Variants in TBCCD1 observed in about 807,000 individuals in gnomAD.
TBCCD1 encodes TBCC domain-containing protein 1.
Under a neutral mutation model 53.4 loss-of-function variants are expected in TBCCD1, and 26 were observed. The observed-to-expected ratio is 0.49, with a 90% CI of 0.36 to 0.68. The LOEUF is 0.68. Ranked by LOEUF, TBCCD1 falls within the 30% of genes least tolerant of loss-of-function variation. The pLI is 0.00. For missense variants in TBCCD1, 558 were observed against 669.5 expected, an observed-to-expected ratio of 0.83 and a Z score of 1.84; for synonymous variants, 245 against 241.7, an observed-to-expected ratio of 1.01 and a Z score of -0.13.
intron 6 of TBCCD1, 125 bp from the exon 7 acceptor site, chr3:186,551,404 T>C (rs1246253251): frequency 8.0e-6 from 8 of 1,002,662 alleles, no homozygotes; most frequent in East Asian, 5.4e-5. Context: ...GTTATCCTTT[T>C]GTTCTCACTG....
chr3:186,554,693 T>C lies in TBCCD1; in HGVS notation c.1105A>G (p.Thr369Ala). Residue 369 changes from threonine (T) to alanine (A), a missense_variant, in exon 6 of 8, where the codon ACA becomes GCA. Coordinates refer to ENST00000338733, the MANE Select transcript of TBCCD1 (RefSeq NM_018138.5). ...TTGTCACAACTGTGGAGGTGAAGTG[T>C]AGTCCCTACAGGGCCCAAGACAAAG... The part of the protein sequence containing the change: ...SIFVLGPVGT[T>A]LHLHSCDNVK... 1 of 1,614,198 alleles carries C rather than the reference T, an allele frequency of 6.2e-7. No homozygotes were observed. The highest frequency in any genetic ancestry group is 1.3e-5 in the African/African-American group (1 of 75,036).
chr3:186,569,200 G>A (rs1283398136), upstream of TBCCD1, among the ~76,000 whole-genome samples: 1 of 152,160 alleles, frequency 6.6e-6, no homozygotes, highest in Non-Finnish European at 1.5e-5. Context: ...GGTTTACAAA[G>A]CATAAACGGC....
Position 186,551,281 on chromosome 3 carries a change from T to TA in TBCCD1, c.1545-3dup, listed in dbSNP as rs759238358. On this transcript the variant is annotated splice_polypyrimidine_tract_variant and splice_region_variant and intron_variant, in intron 6 of 7. Coordinates refer to ENST00000338733, the MANE Select transcript of TBCCD1 (RefSeq NM_018138.5). ...ACCTGGAACTGCTTCCTTTGATCCC[T>TA]AAAATTGCGATTATGAGTAAAAAGA... 1.2e-6 allele frequency: 2 copies of TA among 1,610,610 alleles called. No homozygotes were observed. The highest frequency in any genetic ancestry group is 2.7e-5 in the African/African-American group (2 of 74,730).
At position 186,546,739 on chromosome 3, in the gene TBCCD1, G is replaced by A. The variant is rs1714220456; in HGVS notation, c.*238C>T. On this transcript the variant is annotated 3_prime_UTR_variant, in exon 8 of 8. Transcript: ENST00000338733. ...CCAGCTACTCAGGAGGCTGAGGCAG[G>A]AGAATGGCGTGAACCCGGGAGGCAG... 1 of 151,328 alleles carries A rather than the reference G, an allele frequency of 6.6e-6. No homozygotes were observed. Among genetic ancestry groups the A allele is most frequent in the South Asian group, 2.1e-4 (1 of 4,804 alleles). 9.4% of individuals were successfully genotyped at this position (151,328 alleles called of 1,614,324 possible).
chr3:186,552,629 C>T (rs1423804839), intron 6 of TBCCD1, among the ~76,000 whole-genome samples: 2 of 152,182 alleles, frequency 1.3e-5, no homozygotes, highest in African/African-American at 4.8e-5. Context: ...TGTCAAATCA[C>T]ACATTACTCT....
chr3:186,555,980 G>A (rs957542759), intron 4 of TBCCD1, among the ~76,000 whole-genome samples: 1 of 151,974 alleles, frequency 6.6e-6, no homozygotes, highest in African/African-American at 2.4e-5. Context: ...ACACCGTTAC[G>A]TGACTGCCTT....
At chr3:186,569,555 G>A (rs562966166), upstream of TBCCD1, among the ~76,000 whole-genome samples, 391 of 151,630 alleles carry the variant, frequency 2.6e-3, 3 homozygotes, top group Non-Finnish European at 3.7e-3. Context: ...CTGACCTCAG[G>A]TGCTCCGCCC....
intron 3 of TBCCD1, 137 bp downstream of exon 3, chr3:186,558,278 TAA>T: frequency 1.8e-6 from 2 of 1,085,376 alleles, no homozygotes; most frequent in Non-Finnish European, 2.6e-6. Flanking sequence ...TTTTATAATT[TAA>T]AAAAAAAGTG....
chr3:186,554,208 G>A (rs760862538), intron 6 of TBCCD1, 46 bp downstream of exon 6: 57 of 1,598,278 alleles, frequency 3.6e-5, no homozygotes, highest in Non-Finnish European at 4.8e-5. Flanking sequence ...GTTTCTCCAT[G>A]GAGTTTCACA....
chr3:186,551,408 C>T lies in TBCCD1; in HGVS notation c.1545-129G>A, dbSNP rs561212090. Reference sequence around the variant, plus strand: ...AATTATTTCTTGTTATCCTTTTGTTCTCACTGTTCAGAGTACACTGGACAC... The same window carrying T: ...AATTATTTCTTGTTATCCTTTTGTTTTCACTGTTCAGAGTACACTGGACAC... On this transcript the variant is annotated intron_variant, in intron 6 of 7. Coordinates refer to ENST00000338733, the MANE Select transcript of TBCCD1 (RefSeq NM_018138.5). The T allele has an allele frequency of 1.4e-3, 1,360 of 1,001,480 alleles. 1 individual carries two copies. Among genetic ancestry groups the T allele is most frequent in the Non-Finnish European group, 1.8e-3 (1,283 of 696,542 alleles). The allele number at this position is 1,001,480 out of a possible 1,614,324, so 62.0% of individuals were successfully genotyped here.
At chr3:186,549,150 C>T (rs747843982) in intron 7 of TBCCD1, among the ~76,000 whole-genome samples, 3 of 151,768 alleles carry the variant, frequency 2.0e-5, no homozygotes, top group African/African-American at 4.8e-5. Context: ...TAGCCGGGTG[C>T]GGTGGCCGGT....
chr3:186,557,293 C>T (rs928297209), intron 3 of TBCCD1, among the ~76,000 whole-genome samples: 7 of 152,152 alleles, frequency 4.6e-5, no homozygotes, highest in African/African-American at 1.7e-4. Flanking sequence ...GAAGGGAAGC[C>T]AAGGCCTAGA....
At chr3:186,568,097 C>A (rs1252239917), upstream of TBCCD1, among the ~76,000 whole-genome samples, 1 of 152,120 alleles carries the variant, frequency 6.6e-6, no homozygotes, top group Non-Finnish European at 1.5e-5. Flanking sequence ...TGGCCATTGT[C>A]CCTACTGGGT....
chr3:186,556,722 G>A lies in TBCCD1; in HGVS notation c.546C>T (p.Leu182=), dbSNP rs1714554248. Residue 182 remains leucine, a synonymous_variant, in exon 4 of 8, where the codon CTC becomes CTT. Coordinates refer to ENST00000338733, the MANE Select transcript of TBCCD1 (RefSeq NM_018138.5). ...QAFVYDHLSD[L]LELLLDPKQL... is the part of the protein sequence containing the mutation. ...GTTTTGGATCTAAAAGCAGCTCGAGGAGATCAGACAGATGATCATAGACAA... is the reference window on the plus strand; with the variant it reads ...GTTTTGGATCTAAAAGCAGCTCGAGAAGATCAGACAGATGATCATAGACAA... The A allele has an allele frequency of 2.5e-6, 4 of 1,614,134 alleles. No homozygotes were observed. The highest frequency in any genetic ancestry group is 3.4e-6 in the Non-Finnish European group (4 of 1,180,026).
chr3:186,554,114 C>T, intron 6 of TBCCD1, 140 bp downstream of exon 6: 2 of 1,200,250 alleles, frequency 1.7e-6, no homozygotes, highest in Non-Finnish European at 1.2e-6. Context: ...TCCCAAAGTG[C>T]TGGGATTATA....
chr3:186,563,032 A>C (rs750795044), intron 2 of TBCCD1, among the ~76,000 whole-genome samples: 4 of 152,210 alleles, frequency 2.6e-5, no homozygotes, highest in Non-Finnish European at 5.9e-5. Flanking sequence ...TTCCCCTGTA[A>C]GCCACTGGAA....
chr3:186,554,687 G>C lies in TBCCD1; in HGVS notation c.1111C>G (p.His371Asp). The C allele has an allele frequency of 6.2e-7, 1 of 1,614,172 alleles. No homozygotes were observed. The highest frequency in any genetic ancestry group is 8.5e-7 in the Non-Finnish European group (1 of 1,180,024). ...TTAACATTGTCACAACTGTGGAGGT[G>C]AAGTGTAGTCCCTACAGGGCCCAAG... ...FVLGPVGTTL[H>D]LHSCDNVKVI... Residue 371 changes from histidine (H) to aspartate (D), a missense_variant, in exon 6 of 8, where the codon CAC (histidine) becomes GAC (aspartate). Coordinates refer to ENST00000338733, the MANE Select transcript of TBCCD1 (RefSeq NM_018138.5).
intron 2 of TBCCD1, among the ~76,000 whole-genome samples, chr3:186,562,523 TAGG>T (rs1303917886): frequency 6.6e-6 from 1 of 152,098 alleles, no homozygotes; most frequent in Non-Finnish European, 1.5e-5. Context: ...TGACAAGGGC[TAGG>T]AGGAGGGGGA....
chr3:186,564,054 T>C lies in TBCCD1; in HGVS notation c.276A>G (p.Glu92=). ...TGCAGTTGGACAGAACCTCAGACCA[T>C]TCCAGGCGCTCCTCAGGTGTCTTCA... ...LSMKTPEERL[E]WSEVLSNCMS... is the part of the protein sequence containing the mutation. Residue 92 remains glutamate (E), a synonymous_variant, in exon 2 of 8, where the codon GAA becomes GAG. Transcript: ENST00000338733. 2 of 1,614,188 alleles carry C rather than the reference T, an allele frequency of 1.2e-6. No homozygotes were observed. Among genetic ancestry groups the C allele is most frequent in the Non-Finnish European group, 1.7e-6 (2 of 1,180,042 alleles).
Sources: allele counts gnomAD v4.1 joint callset (sites outside exome capture counted in the v4.1 genomes callset), GRCh38; gene constraint gnomAD v4.1.1; transcripts MANE v1.5; gene names NCBI Gene and HGNC (gene_info 2026-07-23, HGNC 2026-07-21).